The following RERG variants were observed in gnomAD, a reference collection of about 807,000 sequenced individuals.
The protein encoded by RERG is RAS like estrogen regulated growth inhibitor.
In RERG, 25 loss-of-function variants were observed where a neutral mutation model predicts 23.2. The ratio of observed to expected loss-of-function variants is 1.08; its 90% confidence interval spans 0.79 to 1.50. The LOEUF (loss-of-function observed/expected upper bound fraction) is 1.50. Among genes scored for constraint, RERG ranks in the 40% most tolerant of loss-of-function variants. The pLI, the probability that RERG is intolerant of heterozygous loss-of-function variation, is 0.00. For synonymous variants in RERG, 81 were observed against 89.1 expected (o/e 0.91, Z 0.51); for missense variants, 253 against 250.1 (o/e 1.01, Z -0.08).
At chr12:15,181,755 G>A (rs750349182) in intron 2 of RERG, among the ~76,000 whole-genome samples, 18 of 152,160 alleles carry the variant, frequency 1.2e-4, no homozygotes, top group Non-Finnish European at 2.5e-4. Context: ...AAAGCCTGCT[G>A]GGGTGGTTAC....
chr12:15,171,221 G>A (rs914587129), intron 2 of RERG, among the ~76,000 whole-genome samples: 1 of 152,226 alleles, frequency 6.6e-6, no homozygotes, highest in Non-Finnish European at 1.5e-5. Flanking sequence ...CTACTGCCAA[G>A]TATGAGTTGA....
chr12:15,220,084 G>C (rs961401623), intron 1 of RERG, among the ~76,000 whole-genome samples: 4 of 152,252 alleles, frequency 2.6e-5, no homozygotes, highest in South Asian at 4.1e-4. Flanking sequence ...TGACAAGATA[G>C]AAAACAAAAA....
intron 2 of RERG, among the ~76,000 whole-genome samples, chr12:15,189,098 C>T (rs530027311): frequency 6.6e-6 from 1 of 152,304 alleles, no homozygotes; most frequent in East Asian, 1.9e-4. Context: ...TAGGTTCCTA[C>T]CCTTGTTTTC....
Position 15,198,253 on chromosome 12 carries a change from C to T in RERG, c.61+19176G>A, listed in dbSNP as rs142658105. The stretch of plus-strand genomic sequence containing the variant: ...GCTCTCAATGCACCCCTTTCTTGGT[C>T]GAAAGGGGTGCAGAACTCAACTCCA... On this transcript the variant is annotated intron_variant, in intron 2 of 4. Coordinates refer to ENST00000256953, the MANE Select transcript of RERG (RefSeq NM_032918.3). 2.5e-4 allele frequency among the ~76,000 whole-genome samples: 38 copies of T among 152,062 alleles called. No homozygotes were observed. In the East Asian group the frequency reaches 7.0e-3, roughly 28 times the overall value.
At chr12:15,160,242 G>C (rs1864584412) in intron 2 of RERG, among the ~76,000 whole-genome samples, 1 of 151,978 alleles carries the variant, frequency 6.6e-6, no homozygotes, top group Non-Finnish European at 1.5e-5. Context: ...GTTAGATTGT[G>C]TATATTTCAC....
chr12:15,154,299 C>A (rs907543743), intron 2 of RERG: 6 of 152,184 alleles, frequency 3.9e-5, no homozygotes, highest in East Asian at 1.9e-4. Context: ...TGCCAACCAC[C>A]CGGTTCAGTT....
At chr12:15,194,341 C>T (rs1022663432) in intron 2 of RERG, among the ~76,000 whole-genome samples, 9 of 152,104 alleles carry the variant, frequency 5.9e-5, no homozygotes, top group Non-Finnish European at 8.8e-5. Context: ...CACTGAATGG[C>T]CTCTTGAAAC....
chr12:15,202,267 G>A (rs1468861618), intron 2 of RERG, among the ~76,000 whole-genome samples: 2 of 151,668 alleles, frequency 1.3e-5, no homozygotes, highest in African/African-American at 4.8e-5. Context: ...TTTGCCTTTT[G>A]TGTCTATTTT....
chr12:15,153,224 A>G (rs960337367), intron 2 of RERG, among the ~76,000 whole-genome samples: 1 of 152,192 alleles, frequency 6.6e-6, no homozygotes, highest in Non-Finnish European at 1.5e-5. Context: ...AGGTTTTCCT[A>G]AAAGAAAGAA....
chr12:15,196,489 A>T (rs1426023852), intron 2 of RERG, among the ~76,000 whole-genome samples: 1 of 152,164 alleles, frequency 6.6e-6, no homozygotes, highest in African/African-American at 2.4e-5. Flanking sequence ...AGGGCTTCAT[A>T]TTAACAACCG....
At chr12:15,157,091 A>G (rs1404053161) in intron 2 of RERG, among the ~76,000 whole-genome samples, 2 of 152,154 alleles carry the variant, frequency 1.3e-5, no homozygotes, top group African/African-American at 4.8e-5. Context: ...GAGTTGCTCT[A>G]CATTTTCCAC....
At chr12:15,121,240 T>A (rs181561626) in intron 2 of RERG, 121 bp from the exon 3 acceptor site, 8 of 680,916 alleles carry the variant, frequency 1.2e-5, no homozygotes, top group Non-Finnish European at 2.0e-5. Context: ...TTCCTTGATA[T>A]ATAAAACAAA....
intron 3 of RERG, among the ~76,000 whole-genome samples, chr12:15,113,331 A>G (rs1863658882): frequency 6.6e-6 from 1 of 152,160 alleles, no homozygotes; most frequent in South Asian, 2.1e-4. Context: ...GAAAAAGAAA[A>G]CAAAACCAAA....
intron 2 of RERG, among the ~76,000 whole-genome samples, chr12:15,214,703 C>T (rs1347741503): frequency 2.6e-5 from 4 of 152,072 alleles, no homozygotes; most frequent in African/African-American, 9.7e-5. Flanking sequence ...GCATATGAGC[C>T]AGGTGTGGTA....
intron 2 of RERG, among the ~76,000 whole-genome samples, chr12:15,175,363 G>GTT (rs1270388875): frequency 7.3e-5 from 11 of 150,010 alleles, no homozygotes; most frequent in African/African-American, 2.7e-4. Context: ...GTGTGTGTGT[G>GTT]TGTGTGTGTG....
At chr12:15,117,142 C>CTTTTTTT (rs3084646) in intron 3 of RERG, among the ~76,000 whole-genome samples, 2 of 136,816 alleles carry the variant, frequency 1.5e-5, no homozygotes, top group African/African-American at 2.7e-5. Context: ...ACTGATTTAG[C>CTTTTTTT]TTTTTTTTTT....
At chr12:15,122,148 A>T (rs1863844148) in intron 2 of RERG, among the ~76,000 whole-genome samples, 1 of 152,106 alleles carries the variant, frequency 6.6e-6, no homozygotes, top group African/African-American at 2.4e-5. Flanking sequence ...CAGGCTCATG[A>T]GCCCTCCATA....
intron 2 of RERG, among the ~76,000 whole-genome samples, chr12:15,164,377 A>G (rs747640606): frequency 1.3e-5 from 2 of 152,074 alleles, no homozygotes; most frequent in Non-Finnish European, 2.9e-5. Flanking sequence ...CTCTGAACCT[A>G]CTCCCTTCTT....
At chr12:15,203,748 C>A (rs1175654625) in intron 2 of RERG, among the ~76,000 whole-genome samples, 2 of 151,280 alleles carry the variant, frequency 1.3e-5, no homozygotes, top group East Asian at 3.9e-4. Flanking sequence ...AATCAACAAA[C>A]AAAAAACGAT....
Sources: allele counts gnomAD v4.1 joint callset (sites outside exome capture counted in the v4.1 genomes callset), GRCh38; gene constraint gnomAD v4.1.1; transcripts MANE v1.5; gene names NCBI Gene and HGNC (gene_info 2026-07-23, HGNC 2026-07-21).